ZNF214: variants seen among roughly 807,000 people sequenced by gnomAD.
ZNF214 encodes the protein zinc finger protein 214.
Under a neutral mutation model 53.9 loss-of-function variants are expected in ZNF214, and 43 were observed. That is an observed-to-expected ratio of 0.80 (90% CI 0.63 to 1.03). The LOEUF (loss-of-function observed/expected upper bound fraction) is 1.03. Ranked by LOEUF, ZNF214 falls within the 50% of genes least tolerant of loss-of-function variation. The probability of loss-of-function intolerance (pLI) is 0.00; values close to 1 mark genes in which losing one functional copy is unlikely to be tolerated. For synonymous variants in ZNF214, 217 were observed against 229.5 expected (o/e 0.95, Z 0.49); for missense variants, 724 against 719.1 (o/e 1.01, Z -0.08).
chr11:7,001,453 A>C lies in ZNF214; in HGVS notation c.230T>G (p.Met77Arg). The C allele has an allele frequency of 6.2e-7, 1 of 1,613,158 alleles. No individual in the cohort carries two copies. Among genetic ancestry groups the C allele is most frequent in the Non-Finnish European group, 8.5e-7 (1 of 1,179,328 alleles). ...WQGWWNAGAQMYENQNYGETV... is the reference protein window; with the variant it reads ...WQGWWNAGAQRYENQNYGETV... Reference sequence around the variant, plus strand: ...TTCCCCATAGTTCTGATTCTCATACATCTGGGCGCCAGCATTCCACCAGCC... The same window carrying C: ...TTCCCCATAGTTCTGATTCTCATACCTCTGGGCGCCAGCATTCCACCAGCC... Residue 77 changes from methionine to arginine, a missense_variant, in exon 3 of 3, where the codon ATG becomes AGG. By Grantham distance (91) the Met-to-Arg change is moderately conservative. Transcript: ENST00000278314.
chr11:7,006,790 A>G (rs1398166011), intron 1 of ZNF214, among the ~76,000 whole-genome samples: 1 of 151,858 alleles, frequency 6.6e-6, no homozygotes, highest in Admixed American at 6.6e-5. Context: ...CCACCTTTTC[A>G]TCTATATAGA....
chr11:7,018,793 C>T (rs1270878782), intron 1 of ZNF214, among the ~76,000 whole-genome samples: 4 of 152,220 alleles, frequency 2.6e-5, no homozygotes, highest in Admixed American at 6.5e-5. Context: ...TGAGCCACCG[C>T]GCCTGGCGAT....
In ZNF214 at chr11:7,001,540, C is replaced by T. The variant is rs755826007; in HGVS notation, c.143G>A (p.Ser48Asn). The T allele has an allele frequency of 2.5e-6, 4 of 1,597,544 alleles. No individual in the cohort carries two copies. Among genetic ancestry groups the T allele is most frequent in the Non-Finnish European group, 3.4e-6 (4 of 1,171,930 alleles). The change falls in exon 3 of 3, where the codon AGC becomes AAC. Residue 48 changes from serine to asparagine, a missense_variant. Physicochemically the swap from Ser to Asn is conservative, Grantham distance 46. Transcript: ENST00000278314. ...NVMSVENWNESYKSQEEKFRY... is the reference protein window; with the variant it reads ...NVMSVENWNENYKSQEEKFRY... ...GAATTTTTCTTCTTGGGATTTGTAG[C>T]TCTCATTCCAGTTTTCTAGAAAAAT... is the stretch of plus-strand genomic sequence containing the variant.
intron 1 of ZNF214, among the ~76,000 whole-genome samples, chr11:7,015,098 T>C (rs974081302): frequency 6.7e-6 from 1 of 150,276 alleles, no homozygotes; most frequent in African/African-American, 2.4e-5. Flanking sequence ...AATTTTTTTT[T>C]TTTTTTTTTT....
Position 7,001,356 on chromosome 11 carries a change from G to A in ZNF214, c.327C>T (p.Leu109=). 4 of 1,613,202 alleles carry A rather than the reference G, an allele frequency of 2.5e-6. No homozygotes were observed. Among genetic ancestry groups the A allele is most frequent in the Non-Finnish European group, 3.4e-6 (4 of 1,179,400 alleles). Residue 109 remains leucine, a synonymous_variant, in exon 3 of 3, where the codon CTC becomes CTT. Coordinates refer to ENST00000278314, the MANE Select transcript of ZNF214 (RefSeq NM_013249.4). ...DRSQCQEWLI[L]STQVPGYGNY... Reference sequence around the variant, plus strand: ...TCCCATACCCTGGTACTTGTGTGGAGAGTATTAACCATTCCTGACACTGGG... The same window carrying A: ...TCCCATACCCTGGTACTTGTGTGGAAAGTATTAACCATTCCTGACACTGGG...
chr11:7,005,333 G>GT (rs531355016), intron 1 of ZNF214, among the ~76,000 whole-genome samples: 277 of 151,886 alleles, frequency 1.8e-3, no homozygotes, highest in Admixed American at 3.5e-3. Context: ...TTCAAAATTA[G>GT]TAAGTACAAT....
At chr11:7,019,595 T>C (rs990480205) in intron 1 of ZNF214, 10 of 152,170 alleles carry the variant, frequency 6.6e-5, no homozygotes, top group African/African-American at 2.2e-4. Context: ...TCCCAGGTCC[T>C]GATCAAAGTC....
At chr11:7,019,916 G>C (rs539031402) in intron 1 of ZNF214, among the ~76,000 whole-genome samples, 157 bp downstream of exon 1, 2 of 152,144 alleles carry the variant, frequency 1.3e-5, no homozygotes, top group Non-Finnish European at 2.9e-5. Flanking sequence ...GGGATCTCCC[G>C]GTCTCCGCCA....
At chr11:7,018,877 G>A (rs1308486501) in intron 1 of ZNF214, among the ~76,000 whole-genome samples, 1 of 152,122 alleles carries the variant, frequency 6.6e-6, no homozygotes, top group Non-Finnish European at 1.5e-5. Context: ...GTGACTGAAT[G>A]AATGAATGAG....
At chr11:7,010,890 A>T (rs535480971) in intron 1 of ZNF214, among the ~76,000 whole-genome samples, 2 of 152,082 alleles carry the variant, frequency 1.3e-5, no homozygotes, top group Admixed American at 6.6e-5. Flanking sequence ...AAGGATATTT[A>T]TGAGCTATAG....
intron 1 of ZNF214, among the ~76,000 whole-genome samples, chr11:7,016,651 A>G (rs188032541): frequency 1.3e-5 from 2 of 152,326 alleles, no homozygotes; most frequent in Non-Finnish European, 2.9e-5. Flanking sequence ...TAATCTTTGT[A>G]TACATATGTG....
Position 7,000,762 on chromosome 11 carries a change from T to C in ZNF214, c.921A>G (p.Ala307=), listed in dbSNP as rs773445983. ...HIGEVPYSCN[A]CGKSFSQISS... ...AGATCTGGCTGAAGCTCTTACCACATGCATTACAGCTATAAGGTACCTCCC... is the reference window on the plus strand; with the variant it reads ...AGATCTGGCTGAAGCTCTTACCACACGCATTACAGCTATAAGGTACCTCCC... Residue 307 remains alanine (A), a synonymous_variant, in exon 3 of 3, where the codon GCA becomes GCG. Transcript: ENST00000278314. The C allele has an allele frequency of 1.2e-6, 2 of 1,610,788 alleles. No homozygotes were observed. Among genetic ancestry groups the C allele is most frequent in the East Asian group, 2.2e-5 (1 of 44,850 alleles).
chr11:7,003,899 A>G (rs1183935575), intron 1 of ZNF214, among the ~76,000 whole-genome samples: 1 of 151,832 alleles, frequency 6.6e-6, no homozygotes, highest in East Asian at 1.9e-4. Context: ...TGTTTATAAA[A>G]TAAGTTTAAT....
chr11:7,003,759 C>A (rs1341274310), intron 1 of ZNF214, among the ~76,000 whole-genome samples: 3 of 151,764 alleles, frequency 2.0e-5, no homozygotes, highest in Non-Finnish European at 4.4e-5. Context: ...AATATGCCAC[C>A]AAACTACTAT....
At position 6,999,928 on chromosome 11, in the gene ZNF214, A is replaced by C. The variant is rs1296033703; in HGVS notation, c.1755T>G (p.Arg585=). The C allele has an allele frequency of 2.5e-6, 4 of 1,612,740 alleles. No homozygotes were observed. The highest frequency in any genetic ancestry group is 3.4e-6 in the Non-Finnish European group (4 of 1,179,312). ...TATGATCAAATCCCTTATAATATTC[A>C]CGGCATTTGTAAGGTTTCTCTCCTG... ...VHAGEKPYKC[R]EYYKGFDHNS... Residue 585 remains arginine (R), a synonymous_variant, in exon 3 of 3, where the codon CGT becomes CGG. Coordinates refer to ENST00000278314, the MANE Select transcript of ZNF214 (RefSeq NM_013249.4).
At chr11:7,005,529 GT>G (rs1414724139) in intron 1 of ZNF214, among the ~76,000 whole-genome samples, 4 of 152,058 alleles carry the variant, frequency 2.6e-5, no homozygotes, top group Non-Finnish European at 4.4e-5. Context: ...TTCTTGTGGT[GT>G]TTAAGTTCTT....
chr11:7,019,964 G>A (rs1051405077), intron 1 of ZNF214, 109 bp downstream of exon 1: 6 of 152,154 alleles, frequency 3.9e-5, no homozygotes, highest in African/African-American at 1.4e-4. Context: ...CTGAAGACGC[G>A]CGCGGCCTCC....
rs533580553 is a variant in ZNF214 at position 7,000,121 on chromosome 11, G to C, written c.1562C>G (p.Thr521Arg). 2.4e-5 allele frequency: 38 copies of C among 1,613,204 alleles called. No homozygotes were observed. The highest frequency in any genetic ancestry group is 3.2e-5 in the Non-Finnish European group (38 of 1,179,590). ...ATGACATTTATAGGGCTTTTCTCCT[G>C]TATGGACTCTCTGATGAATGAGAAG... The part of the protein sequence containing the change: ...SHLLIHQRVH[T>R]GEKPYKCHDC... The change falls in exon 3 of 3, where the codon ACA (threonine) becomes AGA (arginine). Residue 521 changes from threonine to arginine, a missense_variant. Coordinates refer to ENST00000278314, the MANE Select transcript of ZNF214 (RefSeq NM_013249.4).
chr11:7,014,804 C>CAA (rs1280725156), intron 1 of ZNF214, among the ~76,000 whole-genome samples: 879 of 63,678 alleles, frequency 0.014, 13 homozygotes, highest in Non-Finnish European at 0.02. Context: ...CTGTCTCTAA[C>CAA]AAAAAAAAAA....
Sources: allele counts gnomAD v4.1 joint callset (sites outside exome capture counted in the v4.1 genomes callset), GRCh38; gene constraint gnomAD v4.1.1; transcripts MANE v1.5; gene names NCBI Gene and HGNC (gene_info 2026-07-23, HGNC 2026-07-21).